DNAH11: variants seen among roughly 807,000 people sequenced by gnomAD.
The protein encoded by DNAH11 is dynein axonemal heavy chain 11.
DNAH11 carries 442 observed loss-of-function variants against 526.0 expected under a neutral mutation model. The observed-to-expected ratio is 0.84, with a 90% CI of 0.78 to 0.91. The LOEUF (loss-of-function observed/expected upper bound fraction) is 0.91, where lower values mean the gene tolerates loss of function less well. Ranked by LOEUF, DNAH11 falls within the 40% of genes least tolerant of loss-of-function variation. The pLI is 0.00. For missense variants in DNAH11, 6,989 were observed against 5,448.7 expected (o/e 1.28, Z -8.90); for synonymous variants, 2,461 against 1,935.9 (o/e 1.27, Z -7.12).
chr7:21,628,313 A>G (rs1251090997), intron 25 of DNAH11, among the ~76,000 whole-genome samples: 2 of 152,070 alleles, frequency 1.3e-5, no homozygotes, highest in Non-Finnish European at 2.9e-5. Context: ...TCTGACCAGG[A>G]CTTCTAATAC....
intron 28 of DNAH11, among the ~76,000 whole-genome samples, chr7:21,651,428 T>TC (rs1329806206): frequency 2.0e-5 from 3 of 152,138 alleles, no homozygotes; most frequent in Non-Finnish European, 4.4e-5. Context: ...AGTGGCGCGA[T>TC]CTCAGCTCAC....
chr7:21,852,943 T>G (rs1782697907), intron 67 of DNAH11, among the ~76,000 whole-genome samples: 1 of 152,298 alleles, frequency 6.6e-6, no homozygotes, highest in South Asian at 2.1e-4. Flanking sequence ...TGAAAAGCCT[T>G]AGCATCCGGC....
At chr7:21,740,090 G>T (rs1181291191) in intron 48 of DNAH11, among the ~76,000 whole-genome samples, 1 of 152,088 alleles carries the variant, frequency 6.6e-6, no homozygotes, top group African/African-American at 2.4e-5. Flanking sequence ...AGTATCAGCT[G>T]TTAACAGTAT....
chr7:21,591,663 C>A, intron 14 of DNAH11, 86 bp downstream of exon 14: 1 of 1,324,110 alleles, frequency 7.6e-7, no homozygotes, highest in Non-Finnish European at 1.0e-6. Context: ...TAATGTGGGA[C>A]TCTTTTATCA....
chr7:21,777,571 A>C (rs922789833), intron 56 of DNAH11, among the ~76,000 whole-genome samples: 2 of 152,186 alleles, frequency 1.3e-5, no homozygotes, highest in Admixed American at 6.5e-5. Flanking sequence ...GCTCGCTTGC[A>C]ATAATTTGGT....
At chr7:21,583,855 A>T (rs1784397171) in intron 9 of DNAH11, among the ~76,000 whole-genome samples, 1 of 152,234 alleles carries the variant, frequency 6.6e-6, no homozygotes, top group Admixed American at 6.5e-5. Flanking sequence ...CATTAGAGAA[A>T]TGCAAATCAA....
In DNAH11 at chr7:21,618,088, T is replaced by G. The variant is rs56174340; in HGVS notation, c.4254+311T>G. On this transcript the variant is annotated intron_variant, in intron 23 of 81. Transcript: ENST00000409508. ...CAACTAATCAGGGTGGCCCTATTAC[T>G]CATCTCTCCTCATTCTTTCTCAAGG... The G allele has an allele frequency of 0.44, 85,944 of 197,062 alleles. 19,539 individuals carry two copies. The highest frequency in any genetic ancestry group is 0.73 in the East Asian group (6,346 of 8,696). 12.2% of individuals were successfully genotyped at this position (197,062 alleles called of 1,614,324 possible).
intron 25 of DNAH11, among the ~76,000 whole-genome samples, chr7:21,621,033 A>T (rs1583536548): frequency 6.6e-6 from 1 of 152,046 alleles, no homozygotes; most frequent in South Asian, 2.1e-4. Flanking sequence ...ATACGTGTGC[A>T]TGTGTCTTTA....
rs533346695 is a variant in DNAH11 at position 21,590,654 on chromosome 7, G to C, written c.2170-264G>C. ...CTAAATATATGACATAGTTAACTGA[G>C]GATTCGTTCTACTTTCTGATTTCAT... On this transcript the variant is annotated intron_variant, in intron 12 of 81. Coordinates refer to ENST00000409508, the MANE Select transcript of DNAH11 (RefSeq NM_001277115.2). Among the ~76,000 whole-genome samples the C allele has an allele frequency of 6.6e-5, 10 of 152,160 alleles. No individual in the cohort carries two copies. In the South Asian group the frequency reaches 2.1e-3, roughly 32 times the overall value.
intron 66 of DNAH11, among the ~76,000 whole-genome samples, chr7:21,847,096 G>C (rs1447448653): frequency 3.3e-5 from 5 of 152,014 alleles, no homozygotes; most frequent in African/African-American, 9.7e-5. Context: ...GGCTAGCCTG[G>C]CTAGAGTATT....
chr7:21,732,561 A>C (rs529680411), intron 45 of DNAH11, among the ~76,000 whole-genome samples: 2 of 152,284 alleles, frequency 1.3e-5, no homozygotes, highest in South Asian at 2.1e-4. Context: ...TCACATTCTG[A>C]GGTACTGCAG....
chr7:21,695,592 C>G (rs1203799421), intron 35 of DNAH11, among the ~76,000 whole-genome samples: 2 of 152,158 alleles, frequency 1.3e-5, no homozygotes, highest in Non-Finnish European at 2.9e-5. Context: ...AAAATTAACT[C>G]AAGATGGCTT....
intron 65 of DNAH11, among the ~76,000 whole-genome samples, chr7:21,833,906 G>C (rs1467064344): frequency 6.6e-6 from 1 of 151,966 alleles, no homozygotes; most frequent in Non-Finnish European, 1.5e-5. Context: ...GATAATAATA[G>C]GGGACCTCAG....
At chr7:21,795,540 A>G (rs1466343021) in intron 61 of DNAH11, among the ~76,000 whole-genome samples, 1 of 152,228 alleles carries the variant, frequency 6.6e-6, no homozygotes, top group African/African-American at 2.4e-5. Flanking sequence ...TATGCCTAGC[A>G]CCTGACACAT....
chr7:21,880,285 G>T (rs1231223401), intron 74 of DNAH11, among the ~76,000 whole-genome samples: 6 of 152,118 alleles, frequency 3.9e-5, no homozygotes, highest in African/African-American at 1.4e-4. Context: ...CAGAGAACCA[G>T]GGAAGAATGG....
chr7:21,815,381 G>T (rs1789735102), intron 63 of DNAH11, among the ~76,000 whole-genome samples: 1 of 152,146 alleles, frequency 6.6e-6, no homozygotes, highest in South Asian at 2.1e-4. Flanking sequence ...CTCGGAGATA[G>T]GGTTTGATTC....
At chr7:21,609,683 T>C (rs1583525463) in intron 20 of DNAH11, among the ~76,000 whole-genome samples, 1 of 152,206 alleles carries the variant, frequency 6.6e-6, no homozygotes, top group African/African-American at 2.4e-5. Context: ...TATTCACAAA[T>C]GTGTAATTTT....
In DNAH11 at chr7:21,543,410, A is replaced by G. The variant is rs1052997441; in HGVS notation, c.165A>G (p.Gln55=). 1 of 1,554,138 alleles carries G rather than the reference A, an allele frequency of 6.4e-7. No individual in the cohort carries two copies. Among genetic ancestry groups the G allele is most frequent in the South Asian group, 1.2e-5 (1 of 84,272 alleles). ...AAARRARSFA[Q]DARVRFLGGR... is the part of the protein sequence containing the mutation. Reference sequence around the variant, plus strand: ...CCAGGAGAGCGCGGAGTTTCGCCCAAGACGCGCGGGTGCGCTTCCTCGGCG... The same window carrying G: ...CCAGGAGAGCGCGGAGTTTCGCCCAGGACGCGCGGGTGCGCTTCCTCGGCG... The change falls in exon 1 of 82, where the codon CAA becomes CAG. Residue 55 remains glutamine, a synonymous_variant. Transcript: ENST00000409508.
chr7:21,621,502 G>A lies in DNAH11; in HGVS notation c.4500+1424G>A, dbSNP rs560222422. Reference sequence around the variant, plus strand: ...CCAGCATCATCCTGATACCAAAGCCGGGCAGAGACACAACCAAAAAAGAGA... The same window carrying A: ...CCAGCATCATCCTGATACCAAAGCCAGGCAGAGACACAACCAAAAAAGAGA... On this transcript the variant is annotated intron_variant, in intron 25 of 81. Transcript: ENST00000409508. Among the ~76,000 whole-genome samples, 72 of 152,002 alleles carry A rather than the reference G, an allele frequency of 4.7e-4. 1 individual carries two copies. Among genetic ancestry groups the A allele is most frequent in the African/African-American group, 1.4e-3 (57 of 41,444 alleles).
Sources: allele counts gnomAD v4.1 joint callset (sites outside exome capture counted in the v4.1 genomes callset), GRCh38; gene constraint gnomAD v4.1.1; transcripts MANE v1.5; gene names NCBI Gene and HGNC (gene_info 2026-07-23, HGNC 2026-07-21).